Variants in MLLT1 observed in about 807,000 individuals in gnomAD.
MLLT1 encodes the protein MLLT1 super elongation complex subunit.
A neutral mutation model predicts 55.1 loss-of-function variants in MLLT1; 11 were observed. The observed-to-expected ratio is 0.20, with a 90% CI of 0.13 to 0.33. The LOEUF is 0.33. Among genes scored for constraint, MLLT1 ranks in the 10% least tolerant of loss-of-function variants. The probability of loss-of-function intolerance (pLI) is 1.00; values close to 1 mark genes in which losing one functional copy is unlikely to be tolerated. For synonymous variants in MLLT1, 323 were observed against 320.1 expected, an observed-to-expected ratio of 1.01 and a Z score of -0.10; for missense variants, 536 against 760.6, an observed-to-expected ratio of 0.70 and a Z score of 3.47.
chr19:6,247,873 GT>G (rs1227781871), intron 3 of MLLT1, among the ~76,000 whole-genome samples: 1 of 137,252 alleles, frequency 7.3e-6, no homozygotes, highest in Admixed American at 7.0e-5. Context: ...GAGCATTTTG[GT>G]GTTTTGTTTG....
intron 2 of MLLT1, among the ~76,000 whole-genome samples, chr19:6,267,021 T>G (rs2091354355): frequency 6.6e-6 from 1 of 152,058 alleles, no homozygotes; most frequent in South Asian, 2.1e-4. Flanking sequence ...ACTCAGCTAC[T>G]CCTGAAGCAG....
chr19:6,247,209 G>C (rs574436303), intron 3 of MLLT1, among the ~76,000 whole-genome samples: 1 of 152,294 alleles, frequency 6.6e-6, no homozygotes, highest in South Asian at 2.1e-4. Context: ...TGGTTTCCTA[G>C]CTCTGTCATA....
intron 10 of MLLT1, 108 bp from the exon 11 acceptor site, chr19:6,213,516 A>G (rs1006461058): frequency 1.6e-5 from 18 of 1,113,264 alleles, no homozygotes; most frequent in Non-Finnish European, 2.3e-5. Context: ...GGACAGAGGT[A>G]GCCACATCCA....
At position 6,270,358 on chromosome 19, in the gene MLLT1, C is replaced by G. The variant is rs2091385477; in HGVS notation, c.193+221G>C. Among the ~76,000 whole-genome samples the G allele has an allele frequency of 6.6e-6, 1 of 152,186 alleles. No individual in the cohort carries two copies. Among genetic ancestry groups the G allele is most frequent in the Non-Finnish European group, 1.5e-5 (1 of 68,014 alleles). ...TGCTTCCCAGAGCCCGGGTCTAAATCACGACACAACAGACCGCCACCACCT... is the reference window on the plus strand; with the variant it reads ...TGCTTCCCAGAGCCCGGGTCTAAATGACGACACAACAGACCGCCACCACCT... On this transcript the variant is annotated intron_variant, in intron 2 of 11. Coordinates refer to ENST00000252674, the MANE Select transcript of MLLT1 (RefSeq NM_005934.4). The surrounding 1 kb of genome is among the most constrained non-coding windows in gnomAD (Gnocchi z 7.1).
intron 5 of MLLT1, among the ~76,000 whole-genome samples, chr19:6,223,253 G>A (rs978630983): frequency 2.0e-5 from 3 of 152,200 alleles, no homozygotes; most frequent in South Asian, 2.1e-4. Context: ...GCCTGGCTTC[G>A]GGAAGCCAAC....
At chr19:6,221,837 C>G (rs2090900540) in intron 6 of MLLT1, among the ~76,000 whole-genome samples, 1 of 152,206 alleles carries the variant, frequency 6.6e-6, no homozygotes. Context: ...GAGGGGAGCT[C>G]AGAACCTCAG....
intron 2 of MLLT1, among the ~76,000 whole-genome samples, chr19:6,269,715 C>T (rs963171791): frequency 1.3e-5 from 2 of 152,178 alleles, no homozygotes. Flanking sequence ...CCCTGGAGCT[C>T]CCGGGACCCC....
chr19:6,279,388 CTGGG>C (rs2091444964), intron 1 of MLLT1, among the ~76,000 whole-genome samples: 1 of 152,092 alleles, frequency 6.6e-6, no homozygotes, highest in Non-Finnish European at 1.5e-5. Context: ...GGAAGGAGCT[CTGGG>C]CCAGGCTGAA....
chr19:6,214,872 T>C (rs941217705), intron 8 of MLLT1, among the ~76,000 whole-genome samples: 9 of 152,250 alleles, frequency 5.9e-5, no homozygotes, highest in Admixed American at 2.0e-4. Flanking sequence ...AGCACAGCCA[T>C]TGTCCCTGTT....
chr19:6,244,850 C>T (rs2091151823), intron 3 of MLLT1, among the ~76,000 whole-genome samples: 1 of 152,086 alleles, frequency 6.6e-6, no homozygotes, highest in African/African-American at 2.4e-5. Context: ...TCATTACCGT[C>T]GGCCGTCAGG....
At chr19:6,264,665 G>A (rs1306708539) in intron 2 of MLLT1, among the ~76,000 whole-genome samples, 1 of 151,382 alleles carries the variant, frequency 6.6e-6, no homozygotes, top group Non-Finnish European at 1.5e-5. Flanking sequence ...AGGCACTCTG[G>A]GAGGCCGAGG....
At chr19:6,252,630 T>C (rs75156368) in intron 3 of MLLT1, among the ~76,000 whole-genome samples, 3,174 of 152,146 alleles carry the variant, frequency 0.021, 52 homozygotes, top group South Asian at 0.047. Flanking sequence ...CATTCAAAAA[T>C]AAGAGTGACA....
At chr19:6,233,518 T>A (rs1268365262) in intron 3 of MLLT1, among the ~76,000 whole-genome samples, 1 of 152,172 alleles carries the variant, frequency 6.6e-6, no homozygotes, top group Non-Finnish European at 1.5e-5. Flanking sequence ...AGGGGACATG[T>A]GACAGGCTTG....
chr19:6,223,411 G>T (rs1163311009), intron 5 of MLLT1, among the ~76,000 whole-genome samples: 1 of 152,198 alleles, frequency 6.6e-6, no homozygotes, highest in Non-Finnish European at 1.5e-5. Flanking sequence ...GGGGGTTTAG[G>T]GTGGAGCTGG....
At chr19:6,216,791 C>T (rs1192945555) in intron 7 of MLLT1, 2 of 456,804 alleles carry the variant, frequency 4.4e-6, no homozygotes, top group Admixed American at 4.0e-5. Context: ...GCGCGCAGGG[C>T]CCCTCCATTG....
intron 3 of MLLT1, among the ~76,000 whole-genome samples, chr19:6,241,966 G>A (rs2091117674): frequency 6.6e-6 from 1 of 152,174 alleles, no homozygotes; most frequent in Non-Finnish European, 1.5e-5. Flanking sequence ...CACCAGAGGG[G>A]CTGCCCGCCT....
At chr19:6,257,391 G>C in intron 3 of MLLT1, among the ~76,000 whole-genome samples, 1 of 105,772 alleles carries the variant, frequency 9.5e-6, no homozygotes, top group African/African-American at 4.6e-5. Context: ...ACATTATGAA[G>C]AATGTAAAAA....
intron 1 of MLLT1, among the ~76,000 whole-genome samples, chr19:6,271,120 C>T (rs753608718): frequency 6.6e-6 from 1 of 152,022 alleles, no homozygotes; most frequent in African/African-American, 2.4e-5. Context: ...CGCCTCTTGT[C>T]ACTGGGCTCT....
intron 5 of MLLT1, among the ~76,000 whole-genome samples, chr19:6,223,975 T>C (rs1015275037): frequency 8.6e-5 from 13 of 152,016 alleles, no homozygotes; most frequent in African/African-American, 2.9e-4. Context: ...CCGAAGGCCC[T>C]GGGGAGGGGC....
Sources: allele counts gnomAD v4.1 joint callset (sites outside exome capture counted in the v4.1 genomes callset), GRCh38; gene constraint gnomAD v4.1.1; non-coding constraint Gnocchi (gnomAD v3.1); transcripts MANE v1.5; gene names NCBI Gene and HGNC (gene_info 2026-07-23, HGNC 2026-07-21).